DNMT1: variants seen among roughly 807,000 people sequenced by gnomAD.
DNMT1 encodes the protein DNA (cytosine-5)-methyltransferase 1.
Under a neutral mutation model 205.3 loss-of-function variants are expected in DNMT1, and 24 were observed. The ratio of observed to expected loss-of-function variants is 0.12; its 90% CI spans 0.08 to 0.16. The LOEUF (loss-of-function observed/expected upper bound fraction) is 0.16. Among genes scored for constraint, DNMT1 ranks in the 10% least tolerant of loss-of-function variants. The pLI, the probability that DNMT1 is intolerant of heterozygous loss-of-function variation, is 1.00. For missense variants in DNMT1, 1,293 were observed against 2,177.7 expected (o/e 0.59, Z 8.09); for synonymous variants, 817 against 839.8 (o/e 0.97, Z 0.47).
At chr19:10,148,301 C>G (rs1376205789) in intron 27 of DNMT1, among the ~76,000 whole-genome samples, 2 of 150,796 alleles carry the variant, frequency 1.3e-5, no homozygotes, top group Admixed American at 6.6e-5. Flanking sequence ...TCGAGACCAT[C>G]CTGGCTAACA....
At chr19:10,184,536 G>A (rs1239520142) in intron 1 of DNMT1, 2 of 152,228 alleles carry the variant, frequency 1.3e-5, no homozygotes, top group Non-Finnish European at 2.9e-5. Flanking sequence ...CCGGTGCAGT[G>A]CCGCGGTGCT....
At chr19:10,160,172 C>G in intron 14 of DNMT1, 109 bp from the exon 15 acceptor site, 1 of 1,584,780 alleles carries the variant, frequency 6.3e-7, no homozygotes, top group Non-Finnish European at 8.6e-7. Context: ...AGGGAGGCAC[C>G]GGCTGTGGCA....
Position 10,194,802 on chromosome 19 carries a change from C to A in DNMT1, c.80+18G>T, listed in dbSNP as rs759095657. 39 of 1,609,126 alleles carry A rather than the reference C, an allele frequency of 2.4e-5. No individual in the cohort carries two copies. The highest frequency in any genetic ancestry group is 3.2e-5 in the Non-Finnish European group (38 of 1,178,054). On this transcript the variant is annotated intron_variant, in intron 1 of 40. Coordinates refer to ENST00000359526, the MANE Select transcript of DNMT1 (RefSeq NM_001130823.3). ...CTGCCTGTCCCCCTGAGTCCGTGTTCCCCCCCATGGTACCTACCGCCTGCG... is the reference window on the plus strand; with the variant it reads ...CTGCCTGTCCCCCTGAGTCCGTGTTACCCCCCATGGTACCTACCGCCTGCG...
At chr19:10,160,215 T>C (rs1183824819) in intron 14 of DNMT1, 152 bp from the exon 15 acceptor site, 3 of 1,517,162 alleles carry the variant, frequency 2.0e-6, no homozygotes, top group Non-Finnish European at 2.7e-6. Context: ...CAGTGGCTCT[T>C]CACCGCAGGG....
intron 1 of DNMT1, among the ~76,000 whole-genome samples, chr19:10,185,078 A>C (rs1376434826): frequency 1.3e-5 from 2 of 152,190 alleles, no homozygotes; most frequent in African/African-American, 4.8e-5. Context: ...CTAAGTGATT[A>C]GATGTAGGTG....
chr19:10,173,458 C>T (rs1416792235), intron 8 of DNMT1, among the ~76,000 whole-genome samples: 1 of 151,870 alleles, frequency 6.6e-6, no homozygotes, highest in Non-Finnish European at 1.5e-5. Flanking sequence ...GATATGGTTG[C>T]CATGGAAACA....
chr19:10,194,044 A>G (rs2039354135), intron 1 of DNMT1, among the ~76,000 whole-genome samples: 1 of 152,130 alleles, frequency 6.6e-6, no homozygotes, highest in Admixed American at 6.6e-5. Context: ...ACAAACACAC[A>G]CGAAAGTGTA....
chr19:10,140,775 G>T lies in DNMT1; in HGVS notation c.3523+6C>A. Reference sequence around the variant, plus strand: ...GTATTCAGAGATGGAGCCTACGGGCGCTCACCTGCTTGGTGGAATCCCTCC... The same window carrying T: ...GTATTCAGAGATGGAGCCTACGGGCTCTCACCTGCTTGGTGGAATCCCTCC... On this transcript the variant is annotated splice_donor_region_variant and intron_variant, in intron 32 of 40. Coordinates refer to ENST00000359526, the MANE Select transcript of DNMT1 (RefSeq NM_001130823.3). This position sits in a 1 kb window ranked among gnomAD's most constrained non-coding sequence, Gnocchi z 8.4. 2 of 1,613,958 alleles carry T rather than the reference G, an allele frequency of 1.2e-6. No homozygotes were observed. Among genetic ancestry groups the T allele is most frequent in the Non-Finnish European group, 8.5e-7 (1 of 1,179,910 alleles).
chr19:10,148,503 A>G (rs1316317104), intron 27 of DNMT1, among the ~76,000 whole-genome samples: 3 of 151,856 alleles, frequency 2.0e-5, no homozygotes, highest in African/African-American at 7.2e-5. Context: ...CTCAAAAAAA[A>G]AAAAAGAAAA....
intron 28 of DNMT1, chr19:10,144,697 T>G: frequency 3.3e-5 from 5 of 153,356 alleles, no homozygotes; most frequent in Admixed American, 6.4e-5. Context: ...ACAGGTGGAG[T>G]CCTCTGCTGA....
chr19:10,194,569 C>A, intron 1 of DNMT1: 1 of 471,616 alleles, frequency 2.1e-6, no homozygotes, highest in Non-Finnish European at 3.8e-6. Context: ...AAAGAGAACC[C>A]CCACCCCGCC....
chr19:10,175,035 CAAA>C (rs372794191), intron 7 of DNMT1, among the ~76,000 whole-genome samples: 2 of 110,534 alleles, frequency 1.8e-5, no homozygotes, highest in African/African-American at 3.4e-5. Context: ...AACCCTGTCT[CAAA>C]AAAAAAAAAA....
intron 29 of DNMT1, 82 bp from the exon 30 acceptor site, chr19:10,142,302 G>A (rs1381769156): frequency 3.1e-6 from 5 of 1,593,572 alleles, no homozygotes; most frequent in Non-Finnish European, 3.4e-6. Context: ...TTCCTGGGGT[G>A]CTCAGGGAAC....
chr19:10,139,269 C>A (rs944643143), intron 34 of DNMT1, among the ~76,000 whole-genome samples: 1 of 152,218 alleles, frequency 6.6e-6, no homozygotes, highest in Admixed American at 6.5e-5. Flanking sequence ...GCAAAACTGT[C>A]TTTTAAACCA....
chr19:10,163,437 G>T, intron 11 of DNMT1, 77 bp from the exon 12 acceptor site: 1 of 1,474,792 alleles, frequency 6.8e-7, no homozygotes, highest in Non-Finnish European at 9.5e-7. Context: ...GAGATAAAAT[G>T]CAAACACTGA....
chr19:10,143,155 G>A (rs1403354393), intron 29 of DNMT1, among the ~76,000 whole-genome samples: 1 of 152,206 alleles, frequency 6.6e-6, no homozygotes, highest in Non-Finnish European at 1.5e-5. Flanking sequence ...TGGGGACAGC[G>A]GGACAGAACC....
At chr19:10,136,072 C>T in intron 38 of DNMT1, 49 bp downstream of exon 38, 5 of 1,612,604 alleles carry the variant, frequency 3.1e-6, no homozygotes, top group Non-Finnish European at 4.2e-6. Context: ...AGTTAGGCCG[C>T]CAAGTACAGG....
chr19:10,194,924 G>GGCGGCA lies in DNMT1; in HGVS notation c.-31_-26dup. ...TCTCGGAGGCTTCAGCAGACGCGGC[G>GGCGGCA]GCGGCAGCGCAGGCGCCCCGGCTTT... On this transcript the variant is annotated 5_prime_UTR_variant, in exon 1 of 41. Transcript: ENST00000359526. The GGCGGCA allele has an allele frequency of 6.3e-7, 1 of 1,596,364 alleles. No individual in the cohort carries two copies. The highest frequency in any genetic ancestry group is 8.5e-7 in the Non-Finnish European group (1 of 1,171,384).
chr19:10,186,961 C>G (rs2145399909), intron 1 of DNMT1, among the ~76,000 whole-genome samples: 1 of 151,914 alleles, frequency 6.6e-6, no homozygotes, highest in South Asian at 2.1e-4. Context: ...GTTGACAGCT[C>G]TGTGTGAACC....
Sources: allele counts gnomAD v4.1 joint callset (sites outside exome capture counted in the v4.1 genomes callset), GRCh38; gene constraint gnomAD v4.1.1; non-coding constraint Gnocchi (gnomAD v3.1); transcripts MANE v1.5; gene names NCBI Gene and HGNC (gene_info 2026-07-23, HGNC 2026-07-21).